ZBTB38: variants seen among roughly 807,000 people sequenced by gnomAD.
ZBTB38 encodes zinc finger and BTB domain-containing protein 38.
A neutral mutation model predicts 76.8 loss-of-function variants in ZBTB38; 20 were observed. The ratio of observed to expected loss-of-function variants is 0.26; its 90% confidence interval spans 0.18 to 0.38. The LOEUF (loss-of-function observed/expected upper bound fraction) is 0.38, where lower values mean the gene tolerates loss of function less well. Ranked by LOEUF, ZBTB38 falls within the 10% of genes least tolerant of loss-of-function variation. The probability of loss-of-function intolerance (pLI) is 1.00; values close to 1 mark genes in which losing one functional copy is unlikely to be tolerated. For synonymous variants in ZBTB38, 504 were observed against 544.2 expected (o/e 0.93, Z 1.03); for missense variants, 1,082 against 1,482.3 (o/e 0.73, Z 4.43).
intron 2 of ZBTB38, among the ~76,000 whole-genome samples, chr3:141,380,761 G>T (rs1946086677): frequency 6.6e-6 from 1 of 152,190 alleles, no homozygotes; most frequent in African/African-American, 2.4e-5. Flanking sequence ...GGTTTGTTAA[G>T]CTTCTCTGAC....
intron 4 of ZBTB38, chr3:141,394,203 A>G (rs759023439): frequency 6.6e-6 from 1 of 152,076 alleles, no homozygotes; most frequent in Non-Finnish European, 1.5e-5. Context: ...TTTTTAGTAC[A>G]GACGGGGTTT....
chr3:141,336,214 A>G (rs1943011331), intron 1 of ZBTB38, among the ~76,000 whole-genome samples: 1 of 152,192 alleles, frequency 6.6e-6, no homozygotes, highest in African/African-American at 2.4e-5. Flanking sequence ...AAGTATCAGC[A>G]AAGTACAAAG....
At chr3:141,393,161 G>GCT (rs1949388319) in intron 4 of ZBTB38, among the ~76,000 whole-genome samples, 1 of 152,160 alleles carries the variant, frequency 6.6e-6, no homozygotes, top group Non-Finnish European at 1.5e-5. Context: ...AGCAGTGGAG[G>GCT]CTTTCATTAT....
intron 1 of ZBTB38, among the ~76,000 whole-genome samples, chr3:141,336,479 AT>A (rs1404965034): frequency 6.6e-6 from 1 of 152,168 alleles, no homozygotes; most frequent in Non-Finnish European, 1.5e-5. Context: ...TATGTAATAG[AT>A]TTTTTTAAAT....
chr3:141,380,727 C>T (rs181731379), intron 2 of ZBTB38, among the ~76,000 whole-genome samples: 13 of 152,080 alleles, frequency 8.5e-5, no homozygotes, highest in East Asian at 1.9e-4. Context: ...TTTCTTTAGT[C>T]GAAAGGAGTT....
At chr3:141,382,810 G>C (rs1026205069) in intron 3 of ZBTB38, among the ~76,000 whole-genome samples, 2 of 152,158 alleles carry the variant, frequency 1.3e-5, no homozygotes, top group Non-Finnish European at 2.9e-5. Context: ...TATGAACAGA[G>C]GTAGTCAGGG....
At chr3:141,407,987 G>T (rs1955219698) in intron 5 of ZBTB38, among the ~76,000 whole-genome samples, 1 of 152,168 alleles carries the variant, frequency 6.6e-6, no homozygotes, top group Admixed American at 6.5e-5. Flanking sequence ...GTAACAAGCT[G>T]CCTGCAAACC....
intron 1 of ZBTB38, among the ~76,000 whole-genome samples, chr3:141,352,806 A>C (rs908969406): frequency 2.0e-5 from 3 of 151,996 alleles, no homozygotes; most frequent in African/African-American, 7.3e-5. Flanking sequence ...GCAGCCATAA[A>C]AGCCATATCT....
chr3:141,435,943 CT>C (rs1035390381), intron 5 of ZBTB38, among the ~76,000 whole-genome samples: 12 of 151,996 alleles, frequency 7.9e-5, no homozygotes, highest in African/African-American at 2.9e-4. Context: ...CTTTTTTATG[CT>C]TATCTATTCC....
At chr3:141,423,506 C>G (rs2075817958) in intron 5 of ZBTB38, among the ~76,000 whole-genome samples, 1 of 152,120 alleles carries the variant, frequency 6.6e-6, no homozygotes, top group Non-Finnish European at 1.5e-5. Context: ...TGCATACAGC[C>G]AGCAAGTTAG....
chr3:141,408,952 C>T (rs1311170717), intron 5 of ZBTB38, among the ~76,000 whole-genome samples: 1 of 152,156 alleles, frequency 6.6e-6, no homozygotes, highest in Non-Finnish European at 1.5e-5. Context: ...ATTATCTCAG[C>T]CATCTTTTAG....
chr3:141,435,380 A>G (rs2078526699), intron 5 of ZBTB38, among the ~76,000 whole-genome samples: 3 of 152,180 alleles, frequency 2.0e-5, no homozygotes, highest in African/African-American at 7.2e-5. Flanking sequence ...GTATTTAAGT[A>G]TAATATATGT....
In ZBTB38 at chr3:141,442,982, A is replaced by C; in HGVS notation, c.594A>C (p.Thr198=). ...SFKKVSDSMR[T]ASLCLERTDV... is the part of the protein sequence containing the mutation. ...AAAAGGTCTCCGACTCCATGAGAAC[A>C]GCTAGCCTTTGCCTGGAGAGGACGG... Residue 198 remains threonine (T), a synonymous_variant, in exon 6 of 6, where the codon ACA becomes ACC. Transcript: ENST00000321464. The surrounding 1 kb of genome is among the most constrained non-coding windows in gnomAD (Gnocchi z 6.4). 1 of 1,614,250 alleles carries C rather than the reference A, an allele frequency of 6.2e-7. No individual in the cohort carries two copies. The highest frequency in any genetic ancestry group is 8.5e-7 in the Non-Finnish European group (1 of 1,180,030).
At chr3:141,343,457 G>A (rs1352876448) in intron 1 of ZBTB38, among the ~76,000 whole-genome samples, 1 of 152,106 alleles carries the variant, frequency 6.6e-6, no homozygotes, top group Admixed American at 6.5e-5. Flanking sequence ...TGGAGGTTGG[G>A]GGAGGAGAAG....
At chr3:141,376,310 C>A in intron 2 of ZBTB38, among the ~76,000 whole-genome samples, 1 of 152,210 alleles carries the variant, frequency 6.6e-6, no homozygotes, top group South Asian at 2.1e-4. Flanking sequence ...CCTGGTGACA[C>A]ACAAGAGCCA....
chr3:141,423,415 T>C (rs1489890770), intron 5 of ZBTB38, among the ~76,000 whole-genome samples: 2 of 152,222 alleles, frequency 1.3e-5, no homozygotes, highest in Admixed American at 6.5e-5. Flanking sequence ...TTAATCCTTA[T>C]AAGAATGAGG....
chr3:141,420,162 A>G (rs760272365), intron 5 of ZBTB38, among the ~76,000 whole-genome samples: 2 of 152,110 alleles, frequency 1.3e-5, no homozygotes, highest in African/African-American at 2.4e-5. Flanking sequence ...GGCTGCCTGA[A>G]TTCCAGGCAG....
chr3:141,420,478 C>T (rs905139908), intron 5 of ZBTB38, among the ~76,000 whole-genome samples: 10 of 152,176 alleles, frequency 6.6e-5, no homozygotes, highest in African/African-American at 2.4e-4. Context: ...CAAGAGCTTA[C>T]TTGCCTTGTG....
intron 4 of ZBTB38, among the ~76,000 whole-genome samples, chr3:141,399,176 C>A (rs1577042873): frequency 6.7e-6 from 1 of 150,158 alleles, no homozygotes; most frequent in East Asian, 1.9e-4. Flanking sequence ...ATATAAAAAT[C>A]CTGATTTAGA....
Sources: allele counts gnomAD v4.1 joint callset (sites outside exome capture counted in the v4.1 genomes callset), GRCh38; gene constraint gnomAD v4.1.1; non-coding constraint Gnocchi (gnomAD v3.1); transcripts MANE v1.5; gene names NCBI Gene and HGNC (gene_info 2026-07-23, HGNC 2026-07-21).